The following GRIK2 variants were observed in gnomAD, a reference collection of about 807,000 sequenced individuals.
The protein encoded by GRIK2 is glutamate ionotropic receptor kainate type subunit 2, also known as glutamate receptor ionotropic, kainate 2.
In GRIK2, 32 loss-of-function variants were observed where a neutral mutation model predicts 100.3. The observed-to-expected ratio is 0.32, with a 90% CI of 0.24 to 0.43. The LOEUF (loss-of-function observed/expected upper bound fraction) is 0.43, where lower values mean the gene tolerates loss of function less well. Among genes scored for constraint, GRIK2 ranks in the 20% least tolerant of loss-of-function variants. The pLI, the probability that GRIK2 is intolerant of heterozygous loss-of-function variation, is 1.00. For missense variants in GRIK2, 843 were observed against 1,114.9 expected (o/e 0.76, Z 3.47); for synonymous variants, 417 against 389.4 (o/e 1.07, Z -0.83).
intron 7 of GRIK2, among the ~76,000 whole-genome samples, chr6:101,771,577 C>T (rs1255605419): frequency 1.3e-5 from 2 of 151,348 alleles, no homozygotes; most frequent in African/African-American, 2.4e-5. Context: ...TACATGTGCA[C>T]AATATGCAGG....
At chr6:101,740,969 A>T (rs1775990728) in intron 7 of GRIK2, among the ~76,000 whole-genome samples, 1 of 152,194 alleles carries the variant, frequency 6.6e-6, no homozygotes, top group Middle Eastern at 3.2e-3. Context: ...TTGAGGGGAC[A>T]ATTATCCAAT....
At chr6:101,633,011 C>A (rs975305970) in intron 4 of GRIK2, among the ~76,000 whole-genome samples, 1 of 152,000 alleles carries the variant, frequency 6.6e-6, no homozygotes, top group African/African-American at 2.4e-5. Context: ...ACTGAGGGAG[C>A]CAGTTTGTCA....
chr6:101,925,828 C>CTATT (rs1789852584), intron 13 of GRIK2, among the ~76,000 whole-genome samples: 1 of 151,906 alleles, frequency 6.6e-6, no homozygotes, highest in South Asian at 2.1e-4. Context: ...AGGCATCGTG[C>CTATT]TATTGCATGT....
chr6:101,924,563 C>CA (rs1445280386), intron 12 of GRIK2, 38 bp from the exon 13 acceptor site: 1 of 1,033,942 alleles, frequency 9.7e-7, no homozygotes, highest in Non-Finnish European at 1.5e-6. Flanking sequence ...CTTCCCACTG[C>CA]AATTTAAATG....
intron 16 of GRIK2, among the ~76,000 whole-genome samples, chr6:102,056,961 C>T (rs933506960): frequency 1.3e-5 from 2 of 151,916 alleles, no homozygotes; most frequent in Non-Finnish European, 2.9e-5. Context: ...GTTATTTATG[C>T]TTGCTTGGCT....
chr6:102,002,400 T>C (rs552914319), intron 14 of GRIK2, among the ~76,000 whole-genome samples: 9 of 135,298 alleles, frequency 6.7e-5, no homozygotes, highest in African/African-American at 2.0e-4. Context: ...TATATATGTA[T>C]ATTATACATA....
chr6:101,901,199 G>GT (rs1183985572), intron 12 of GRIK2, among the ~76,000 whole-genome samples: 21 of 151,660 alleles, frequency 1.4e-4, no homozygotes, highest in Admixed American at 1.2e-3. Context: ...ACAAACCTAT[G>GT]TTTTTTTATG....
chr6:101,914,229 C>A (rs1788946713), intron 12 of GRIK2, among the ~76,000 whole-genome samples: 1 of 151,320 alleles, frequency 6.6e-6, no homozygotes, highest in Non-Finnish European at 1.5e-5. Context: ...TTTAAGAATT[C>A]TAATCTGGAT....
At chr6:101,948,147 T>G (rs373077247) in intron 14 of GRIK2, among the ~76,000 whole-genome samples, 6 of 152,112 alleles carry the variant, frequency 3.9e-5, no homozygotes, top group African/African-American at 1.4e-4. Flanking sequence ...GTTTTACAAA[T>G]ACATTATTTT....
At chr6:102,035,608 G>A (rs755416868) in intron 15 of GRIK2, 42 bp downstream of exon 15, 125 of 1,216,536 alleles carry the variant, frequency 1.0e-4, no homozygotes, top group Non-Finnish European at 1.5e-4. Context: ...TCATTAATCT[G>A]AGTTGCTGTA....
At chr6:101,894,651 C>A (rs746950023) in intron 12 of GRIK2, among the ~76,000 whole-genome samples, 25 of 151,454 alleles carry the variant, frequency 1.7e-4, no homozygotes, top group African/African-American at 4.9e-4. Flanking sequence ...AGGGCACCCA[C>A]CCCTTACATT....
chr6:101,682,248 T>C (rs1312649327), intron 5 of GRIK2, among the ~76,000 whole-genome samples: 2 of 152,202 alleles, frequency 1.3e-5, no homozygotes, highest in East Asian at 1.9e-4. Context: ...ATGTAACAAA[T>C]TAAGATGTGC....
At chr6:101,829,071 A>G (rs1489437093) in intron 10 of GRIK2, among the ~76,000 whole-genome samples, 1 of 152,100 alleles carries the variant, frequency 6.6e-6, no homozygotes, top group Non-Finnish European at 1.5e-5. Context: ...AACATGATCA[A>G]GTAGGCTTTA....
chr6:101,794,900 T>A (rs1780183307), intron 7 of GRIK2, among the ~76,000 whole-genome samples: 1 of 151,504 alleles, frequency 6.6e-6, no homozygotes, highest in Admixed American at 6.6e-5. Flanking sequence ...GAGTCTCACT[T>A]TGTCACCCAG....
chr6:101,454,550 A>G lies in GRIK2; in HGVS notation c.115+55158A>G, dbSNP rs140638540. The stretch of plus-strand genomic sequence containing the variant: ...CCTTCAGTTAAATGCTCAGATTTCA[A>G]CATAGGAGATTAACTGGTTATAGCA... On this transcript the variant is annotated intron_variant, in intron 2 of 16. Coordinates refer to ENST00000369134, the MANE Select transcript of GRIK2 (RefSeq NM_021956.5). Among the ~76,000 whole-genome samples the G allele has an allele frequency of 5.6e-3, 854 of 152,230 alleles. 9 individuals are homozygous for G. Among genetic ancestry groups the G allele is most frequent in the African/African-American group, 0.019 (805 of 41,546 alleles).
At chr6:101,623,922 TA>T (rs772756488) in intron 3 of GRIK2, among the ~76,000 whole-genome samples, 63 of 152,198 alleles carry the variant, frequency 4.1e-4, no homozygotes, top group African/African-American at 1.2e-3. Context: ...ACAGAGCCAA[TA>T]TTTTTTTAAC....
chr6:101,486,684 T>A (rs1453171963), intron 2 of GRIK2, among the ~76,000 whole-genome samples: 1 of 116,720 alleles, frequency 8.6e-6, no homozygotes, highest in Non-Finnish European at 1.8e-5. Flanking sequence ...CTTTTCAACA[T>A]CAATAAATCA....
intron 7 of GRIK2, among the ~76,000 whole-genome samples, chr6:101,713,144 C>T (rs189504345): frequency 9.2e-5 from 14 of 151,836 alleles, no homozygotes; most frequent in Admixed American, 2.0e-4. Flanking sequence ...GGGACTATGA[C>T]GAAAGGCCAG....
chr6:101,755,031 A>C (rs1777038818), intron 7 of GRIK2, among the ~76,000 whole-genome samples: 1 of 152,150 alleles, frequency 6.6e-6, no homozygotes, highest in South Asian at 2.1e-4. Flanking sequence ...AATTGTGGCC[A>C]ATGGCCGACA....
Sources: gnomAD v4.1 joint callset for allele counts (sites outside exome capture counted in the v4.1 genomes callset) on GRCh38, gnomAD v4.1.1 for gene constraint, MANE v1.5 for transcripts, NCBI Gene and HGNC (gene_info 2026-07-23, HGNC 2026-07-21) for gene names.